Variants in TRMT11 observed in about 807,000 individuals in gnomAD.
TRMT11 encodes tRNA methyltransferase 11.
A neutral mutation model predicts 62.8 loss-of-function variants in TRMT11; 53 were observed. The ratio of observed to expected loss-of-function variants is 0.84; its 90% CI spans 0.68 to 1.06. TRMT11 has a LOEUF of 1.06. Ranked by LOEUF, TRMT11 falls within the 50% of genes least tolerant of loss-of-function variation. The probability of loss-of-function intolerance (pLI) is 0.00; values close to 1 mark genes in which losing one functional copy is unlikely to be tolerated. For synonymous variants in TRMT11, 188 were observed against 190.3 expected, an observed-to-expected ratio of 0.99 and a Z score of 0.10; for missense variants, 556 against 553.4, an observed-to-expected ratio of 1.00 and a Z score of -0.05.
chr6:126,012,923 C>G (rs1404898185), intron 10 of TRMT11, 47 bp from the exon 11 acceptor site: 1 of 1,609,514 alleles, frequency 6.2e-7, no homozygotes, highest in South Asian at 1.1e-5. Context: ...TAACTTAGCA[C>G]TCTTAAAATT....
chr6:126,000,824 C>CTATA (rs1460569182), intron 7 of TRMT11, among the ~76,000 whole-genome samples: 2 of 152,150 alleles, frequency 1.3e-5, no homozygotes, highest in Non-Finnish European at 2.9e-5. Flanking sequence ...TCAGCATACT[C>CTATA]TATATTCTTT....
chr6:126,246,415 C>A, the TRMT11 span, among the ~76,000 whole-genome samples: 1 of 152,136 alleles, frequency 6.6e-6, no homozygotes, highest in South Asian at 2.1e-4. Context: ...GAGGATCTAC[C>A]ATTTCCTGAC....
the TRMT11 span, among the ~76,000 whole-genome samples, chr6:126,240,017 G>T: frequency 1.4e-4 from 21 of 152,038 alleles, no homozygotes; most frequent in African/African-American, 4.8e-4. Context: ...TGAGGCTTGT[G>T]CATTTGTCAC....
upstream of TRMT11, among the ~76,000 whole-genome samples, chr6:126,175,286 G>A (rs1473212628): frequency 2.6e-5 from 4 of 152,084 alleles, no homozygotes; most frequent in African/African-American, 9.7e-5. Flanking sequence ...AGTGTACAGG[G>A]TCCTCTCCAA....
At chr6:126,166,486 T>C (rs1168963647) in intron 21 of TRMT11, among the ~76,000 whole-genome samples, 1 of 152,216 alleles carries the variant, frequency 6.6e-6, no homozygotes. Context: ...CAAAGATTGC[T>C]GCCTGTTCCT....
intron 17 of TRMT11, among the ~76,000 whole-genome samples, chr6:126,059,770 A>G (rs1056215808): frequency 1.3e-5 from 2 of 152,180 alleles, no homozygotes; most frequent in Admixed American, 1.3e-4. Context: ...TCTACTATCA[A>G]TAGCAATTGG....
At chr6:126,078,402 T>C (rs1583867592) in intron 17 of TRMT11, among the ~76,000 whole-genome samples, 2 of 152,144 alleles carry the variant, frequency 1.3e-5, no homozygotes, top group East Asian at 3.8e-4. Flanking sequence ...AGAAAGGTTT[T>C]TTTTTTTTTG....
In TRMT11 at chr6:126,021,147, G is replaced by C; in HGVS notation, c.1140-13G>C. 1 of 1,613,938 alleles carries C rather than the reference G, an allele frequency of 6.2e-7. No homozygotes were observed. On this transcript the variant is annotated splice_polypyrimidine_tract_variant and intron_variant, in intron 11 of 12. Coordinates refer to ENST00000334379, the MANE Select transcript of TRMT11 (RefSeq NM_001031712.3). ...ATGTGAGTGTTCCTAACAGTCAGCT[G>C]TTCTTTCTTCAGATACACTGAAGAG...
chr6:126,205,521 A>G (rs1009620976), downstream of TRMT11, among the ~76,000 whole-genome samples: 6 of 152,186 alleles, frequency 3.9e-5, no homozygotes, highest in Admixed American at 3.9e-4. Context: ...AAAAAGAGAA[A>G]AAGAATTAAA....
intron 17 of TRMT11, among the ~76,000 whole-genome samples, chr6:126,084,640 G>A (rs1480256781): frequency 1.3e-5 from 2 of 152,092 alleles, no homozygotes; most frequent in East Asian, 1.9e-4. Context: ...CATTGCCAAG[G>A]CCAATGTCCA....
At chr6:126,209,652 G>A in the TRMT11 span, among the ~76,000 whole-genome samples, 3 of 152,166 alleles carry the variant, frequency 2.0e-5, no homozygotes, top group Admixed American at 2.0e-4. Flanking sequence ...CGTGAACTTG[G>A]GAGGCGGAGC....
intron 12 of TRMT11, among the ~76,000 whole-genome samples, chr6:126,037,718 C>T (rs1265519431): frequency 1.3e-5 from 2 of 151,624 alleles, no homozygotes; most frequent in Non-Finnish European, 2.9e-5. Flanking sequence ...TTTATTAATG[C>T]TAGGTATGAT....
intron 8 of TRMT11, among the ~76,000 whole-genome samples, chr6:126,010,921 A>G (rs1414421183): frequency 1.3e-5 from 2 of 152,066 alleles, no homozygotes; most frequent in Non-Finnish European, 2.9e-5. Flanking sequence ...CTATCTCTAC[A>G]CAGGACTGTT....
chr6:126,250,531 A>G, the TRMT11 span, among the ~76,000 whole-genome samples: 4 of 152,336 alleles, frequency 2.6e-5, no homozygotes, highest in East Asian at 7.7e-4. Context: ...TTTCCAAGAA[A>G]AGATAATATC....
intron 12 of TRMT11, among the ~76,000 whole-genome samples, chr6:126,034,683 CTT>C (rs1019500385): frequency 4.2e-4 from 64 of 152,202 alleles, no homozygotes; most frequent in Middle Eastern, 3.4e-3. Context: ...GCTTACTAAA[CTT>C]TGGCAGAACT....
chr6:126,243,845 A>G, the TRMT11 span, among the ~76,000 whole-genome samples: 3 of 152,180 alleles, frequency 2.0e-5, no homozygotes, highest in Non-Finnish European at 4.4e-5. Flanking sequence ...TGACGAGTTC[A>G]TGGGTGGAGC....
At chr6:126,185,932 C>G (rs1162298073) in intron 1 of TRMT11, among the ~76,000 whole-genome samples, 1 of 152,124 alleles carries the variant, frequency 6.6e-6, no homozygotes, top group Non-Finnish European at 1.5e-5. Context: ...GGGGAAACTG[C>G]CCCTATGATC....
the TRMT11 span, among the ~76,000 whole-genome samples, chr6:126,269,263 C>CAAAA: frequency 7.1e-4 from 49 of 68,842 alleles, no homozygotes; most frequent in African/African-American, 2.9e-3. Context: ...GACTCCGTCT[C>CAAAA]AAAAAAAAAA....
rs1487373681 is a variant in TRMT11, at chr6:125,996,155, A to T, written c.212+115A>T. The T allele has an allele frequency of 4.9e-6, 3 of 613,426 alleles. No homozygotes were observed. In the East Asian group the frequency reaches 9.2e-5, roughly 19 times the overall value. 38.0% of individuals were successfully genotyped at this position (613,426 alleles called of 1,614,324 possible). A position where few individuals can be genotyped will look rare whatever the true frequency, so the allele number is the denominator to read the frequency against. On this transcript the variant is annotated intron_variant, in intron 3 of 12. Coordinates refer to ENST00000334379, the MANE Select transcript of TRMT11 (RefSeq NM_001031712.3). Reference sequence around the variant, plus strand: ...GGCTCAGTTTAGCTTGCAGTTACATACAACTGCCACTGGGTGGCGGTGGGG... The same window carrying T: ...GGCTCAGTTTAGCTTGCAGTTACATTCAACTGCCACTGGGTGGCGGTGGGG...
Sources: gnomAD v4.1 joint callset for allele counts (sites outside exome capture counted in the v4.1 genomes callset) on GRCh38, gnomAD v4.1.1 for gene constraint, MANE v1.5 for transcripts, NCBI Gene and HGNC (gene_info 2026-07-23, HGNC 2026-07-21) for gene names.